Variants in PHC3 observed in about 807,000 individuals in gnomAD.
PHC3 encodes polyhomeotic-like protein 3.
In PHC3, 13 loss-of-function variants were observed where a neutral mutation model predicts 107.4. The ratio of observed to expected loss-of-function variants is 0.12; its 90% CI spans 0.08 to 0.19. The LOEUF (loss-of-function observed/expected upper bound fraction) is 0.19, where lower values mean the gene tolerates loss of function less well. Among genes scored for constraint, PHC3 ranks in the 10% least tolerant of loss-of-function variants. The probability of loss-of-function intolerance (pLI) is 1.00; values close to 1 mark genes in which losing one functional copy is unlikely to be tolerated. For missense variants in PHC3, 992 were observed against 1,210.9 expected (o/e 0.82, Z 2.68); for synonymous variants, 456 against 427.4 (o/e 1.07, Z -0.83).
At chr3:170,132,040 G>A (rs972810082) in intron 7 of PHC3, among the ~76,000 whole-genome samples, 26 of 152,246 alleles carry the variant, frequency 1.7e-4, no homozygotes, top group African/African-American at 5.1e-4. Flanking sequence ...AGGTGGCTAT[G>A]TGAAGCAATA....
intron 4 of PHC3, among the ~76,000 whole-genome samples, chr3:170,165,700 G>C (rs942929252): frequency 3.5e-5 from 5 of 141,954 alleles, no homozygotes; most frequent in Non-Finnish European, 7.5e-5. Flanking sequence ...GTTGCAGTGA[G>C]CCAAGATCAT....
At chr3:170,126,901 A>G (rs941010640) in intron 8 of PHC3, among the ~76,000 whole-genome samples, 1 of 152,032 alleles carries the variant, frequency 6.6e-6, no homozygotes, top group Non-Finnish European at 1.5e-5. Flanking sequence ...AATTAAAAAT[A>G]TATAAGGACT....
chr3:170,124,524 A>C (rs1720955091), intron 8 of PHC3, among the ~76,000 whole-genome samples: 1 of 152,080 alleles, frequency 6.6e-6, no homozygotes, highest in Non-Finnish European at 1.5e-5. Flanking sequence ...TAACACACCC[A>C]GCTCATTTTA....
Position 170,106,814 on chromosome 3 carries a change from T to C in PHC3, c.2468+18A>G. 6.3e-7 allele frequency: 1 copy of C among 1,583,750 alleles called. No individual in the cohort carries two copies. Among genetic ancestry groups the C allele is most frequent in the Non-Finnish European group, 8.6e-7 (1 of 1,164,004 alleles). On this transcript the variant is annotated intron_variant, in intron 12 of 14. Coordinates refer to ENST00000495893, the MANE Select transcript of PHC3 (RefSeq NM_024947.4). ...GCTATTTATCTGTCCTTTGGGAAAT[T>C]CAAGAGCACAGAAATACCTTTTGGC... is the stretch of plus-strand genomic sequence containing the variant.
At chr3:170,168,614 T>C (rs1045381171) in intron 4 of PHC3, among the ~76,000 whole-genome samples, 2 of 151,618 alleles carry the variant, frequency 1.3e-5, no homozygotes, top group Non-Finnish European at 2.9e-5. Context: ...ATTAGCAGGG[T>C]GCGGTGGCGG....
Position 170,129,257 on chromosome 3 carries a change from C to T in PHC3, c.1215G>A (p.Gln405=), listed in dbSNP as rs527835245. 1 of 1,613,732 alleles carries T rather than the reference C, an allele frequency of 6.2e-7. No individual in the cohort carries two copies. The highest frequency in any genetic ancestry group is 8.5e-7 in the Non-Finnish European group (1 of 1,179,680). ...GTGGAGGAGACACCACTACAGACTGCTGTGCTGACTGTGACTGATTAGGAG... is the reference window on the plus strand; with the variant it reads ...GTGGAGGAGACACCACTACAGACTGTTGTGCTGACTGTGACTGATTAGGAG... ...TVSPNQSQSA[Q]QSVVVSPPPP... Residue 405 remains glutamine, a synonymous_variant, in exon 8 of 15, where the codon CAG becomes CAA. Coordinates refer to ENST00000495893, the MANE Select transcript of PHC3 (RefSeq NM_024947.4).
chr3:170,150,387 T>C (rs1246055839), intron 4 of PHC3, among the ~76,000 whole-genome samples: 2 of 152,072 alleles, frequency 1.3e-5, no homozygotes, highest in Non-Finnish European at 2.9e-5. Flanking sequence ...TTAAAACTTC[T>C]GTTAAAGAAT....
intron 4 of PHC3, among the ~76,000 whole-genome samples, chr3:170,159,165 G>A (rs973881581): frequency 6.9e-5 from 10 of 144,532 alleles, no homozygotes; most frequent in Admixed American, 3.4e-4. Context: ...GCAGGAGAAC[G>A]GGCGTGAACC....
chr3:170,166,084 G>A (rs960488284), intron 4 of PHC3, among the ~76,000 whole-genome samples: 9 of 151,640 alleles, frequency 5.9e-5, no homozygotes, highest in East Asian at 1.9e-4. Flanking sequence ...TTGCTCTACC[G>A]CCCAGGATGG....
chr3:170,165,784 A>G (rs1472557570), intron 4 of PHC3, among the ~76,000 whole-genome samples: 2 of 147,600 alleles, frequency 1.4e-5, no homozygotes, highest in Non-Finnish European at 3.0e-5. Context: ...AAAAAGAATT[A>G]TATGACAAAG....
chr3:170,172,791 T>A lies in PHC3; in HGVS notation c.181-79A>T, dbSNP rs1447339005. On this transcript the variant is annotated intron_variant, in intron 2 of 14. Coordinates refer to ENST00000495893, the MANE Select transcript of PHC3 (RefSeq NM_024947.4). ...ATCAGAAAATCAAAGTATAAAAAAG[T>A]GGCAGTTTAAAATTTCACTGCTTTA... 4.0e-6 allele frequency: 6 copies of A among 1,491,860 alleles called. No homozygotes were observed. The East Asian group carries it at 1.4e-4, about 34-fold the overall frequency. The allele number at this position is 1,491,860 out of a possible 1,614,324, so 92.4% of individuals were successfully genotyped here.
chr3:170,116,398 C>T (rs899688727), intron 10 of PHC3, among the ~76,000 whole-genome samples: 9 of 151,776 alleles, frequency 5.9e-5, no homozygotes, highest in African/African-American at 2.2e-4. Flanking sequence ...ACCCCCTCTT[C>T]GGTACTAAAA....
At chr3:170,110,493 C>CA (rs1717434875) in intron 11 of PHC3, among the ~76,000 whole-genome samples, 2 of 152,266 alleles carry the variant, frequency 1.3e-5, no homozygotes, top group South Asian at 4.1e-4. Context: ...CGACCCACTT[C>CA]AAATCTCATT....
At chr3:170,122,873 G>A (rs977622154) in intron 8 of PHC3, 129 bp from the exon 9 acceptor site, 18 of 1,008,326 alleles carry the variant, frequency 1.8e-5, no homozygotes, top group Non-Finnish European at 2.5e-5. Context: ...TACTCTAACA[G>A]ACTGAAAGGA....
At chr3:170,101,091 C>T (rs1417500435) in intron 14 of PHC3, among the ~76,000 whole-genome samples, 1 of 152,162 alleles carries the variant, frequency 6.6e-6, no homozygotes, top group Non-Finnish European at 1.5e-5. Context: ...CCAATGAAGA[C>T]CCACTGTCTT....
intron 7 of PHC3, among the ~76,000 whole-genome samples, chr3:170,131,025 A>T (rs926015987): frequency 1.7e-4 from 26 of 151,996 alleles, no homozygotes; most frequent in African/African-American, 4.8e-4. Context: ...ACAACTTTTT[A>T]AAAAAAATTT....
At chr3:170,109,478 T>G (rs1475641625) in intron 11 of PHC3, among the ~76,000 whole-genome samples, 1 of 152,162 alleles carries the variant, frequency 6.6e-6, no homozygotes, top group Non-Finnish European at 1.5e-5. Context: ...AACTACCACA[T>G]AAGCCCTGGA....
chr3:170,146,519 T>G (rs979262491), intron 5 of PHC3, among the ~76,000 whole-genome samples: 9 of 149,398 alleles, frequency 6.0e-5, no homozygotes, highest in African/African-American at 2.2e-4. Flanking sequence ...CTTTCCTTTT[T>G]TTTCCTTTTC....
Position 170,105,996 on chromosome 3 carries a change from G to A in PHC3, c.2468+836C>T, listed in dbSNP as rs1213098592. The stretch of plus-strand genomic sequence containing the variant: ...GGAGGCCAAGGCGGGCAGATCACCT[G>A]AGGTCAGGAGTTTGAGACCAGCCTG... On this transcript the variant is annotated intron_variant, in intron 12 of 14. Coordinates refer to ENST00000495893, the MANE Select transcript of PHC3 (RefSeq NM_024947.4). 3.3e-5 allele frequency among the ~76,000 whole-genome samples: 5 copies of A among 152,188 alleles called. No homozygotes were observed. The East Asian group carries it at 9.6e-4, about 29-fold the overall frequency.
Sources: gnomAD v4.1 joint callset for allele counts (sites outside exome capture counted in the v4.1 genomes callset) on GRCh38, gnomAD v4.1.1 for gene constraint, MANE v1.5 for transcripts, NCBI Gene and HGNC (gene_info 2026-07-23, HGNC 2026-07-21) for gene names.